Variants in FHAD1 observed in about 807,000 individuals in gnomAD.
FHAD1 encodes forkhead-associated domain-containing protein 1.
FHAD1 carries 146 observed loss-of-function variants against 191.3 expected under a neutral mutation model. That is an observed-to-expected ratio of 0.76 (90% CI 0.67 to 0.88). The LOEUF is 0.88. FHAD1 is among the 40% of genes least tolerant of loss of function. The probability of loss-of-function intolerance (pLI) is 0.00; values close to 1 mark genes in which losing one functional copy is unlikely to be tolerated. For missense variants in FHAD1, 1,635 were observed against 1,785.8 expected (o/e 0.92, Z 1.52); for synonymous variants, 616 against 672.3 (o/e 0.92, Z 1.29).
In FHAD1 at chr1:15,381,291, G is replaced by A. The variant is rs371610326; in HGVS notation, c.3862G>A (p.Val1288Met). ...LMNIKNMSGH[V>M]SMKYLSRQER... ...GAACATCAAGAATATGTCAGGCCACGTGTCCATGAAATACCTCTCCCGCCA... is the reference window on the plus strand; with the variant it reads ...GAACATCAAGAATATGTCAGGCCACATGTCCATGAAATACCTCTCCCGCCA... Residue 1288 changes from valine to methionine, a missense_variant, in exon 30 of 34, where the codon GTG becomes ATG. Physicochemically the swap from Val to Met is conservative, Grantham distance 21 (BLOSUM62 1). Coordinates refer to ENST00000688493, the MANE Select transcript of FHAD1 (RefSeq NM_001391957.1). This position sits in a 1 kb window ranked among gnomAD's most constrained non-coding sequence, Gnocchi z 4.6. The A allele has an allele frequency of 7.1e-6, 11 of 1,551,572 alleles. No homozygotes were observed. The highest frequency in any genetic ancestry group is 1.7e-4 in the Middle Eastern group (1 of 6,014).
chr1:15,382,084 A>G lies in FHAD1; in HGVS notation c.4079A>G (p.Asp1360Gly). 1 of 1,552,142 alleles carries G rather than the reference A, an allele frequency of 6.4e-7. No individual in the cohort carries two copies. The highest frequency in any genetic ancestry group is 1.4e-5 in the African/African-American group (1 of 73,134). ...YQSQVAKLED[D>G]IYKEAEEKAL... Reference sequence around the variant, plus strand: ...TCGCAGGTGGCAAAGCTGGAGGATGATATCTACAAAGAGGCCGAAGAGAAG... The same window carrying G: ...TCGCAGGTGGCAAAGCTGGAGGATGGTATCTACAAAGAGGCCGAAGAGAAG... The change falls in exon 31 of 34, where the codon GAT becomes GGT. Residue 1360 changes from aspartate to glycine, a missense_variant. Physicochemically the swap from Asp to Gly is moderately conservative, Grantham distance 94. Transcript: ENST00000688493.
At chr1:15,275,647 T>A (rs1204023282) in intron 3 of FHAD1, among the ~76,000 whole-genome samples, 2 of 152,172 alleles carry the variant, frequency 1.3e-5, no homozygotes, top group African/African-American at 4.8e-5. Context: ...CCTTTCTATT[T>A]GCCTGATGAC....
intron 10 of FHAD1, among the ~76,000 whole-genome samples, chr1:15,321,225 C>T (rs1195899768): frequency 6.6e-6 from 1 of 152,192 alleles, no homozygotes; most frequent in Non-Finnish European, 1.5e-5. Context: ...AGCCACAATG[C>T]CTGGGCGAGT....
intron 20 of FHAD1, among the ~76,000 whole-genome samples, chr1:15,355,527 C>A (rs2102545970): frequency 6.6e-6 from 1 of 152,310 alleles, no homozygotes; most frequent in South Asian, 2.1e-4. Flanking sequence ...TGAGTAGCTG[C>A]CAGGGAGCAA....
chr1:15,306,833 C>T (rs1271997751), intron 6 of FHAD1, among the ~76,000 whole-genome samples: 1 of 152,228 alleles, frequency 6.6e-6, no homozygotes, highest in East Asian at 1.9e-4. Flanking sequence ...TCGGGGCCCT[C>T]ATGGAGAACC....
chr1:15,252,070 T>C (rs1053837854), intron 2 of FHAD1, among the ~76,000 whole-genome samples, 193 bp downstream of exon 2: 1 of 152,208 alleles, frequency 6.6e-6, no homozygotes, highest in Non-Finnish European at 1.5e-5. Flanking sequence ...GGAGTGAAGC[T>C]GAGTGCTGTA....
intron 23 of FHAD1, among the ~76,000 whole-genome samples, chr1:15,364,833 A>G (rs1331031549): frequency 1.3e-5 from 2 of 152,064 alleles, no homozygotes; most frequent in African/African-American, 4.8e-5. Context: ...TTCCAGTCAA[A>G]TCCCCACCAA....
intron 31 of FHAD1, 45 bp downstream of exon 31, chr1:15,382,238 A>G: frequency 6.5e-7 from 1 of 1,534,916 alleles, no homozygotes; most frequent in Non-Finnish European, 8.8e-7. Flanking sequence ...GCTGCCCTGC[A>G]GCTCCCATTA....
intron 31 of FHAD1, among the ~76,000 whole-genome samples, chr1:15,387,350 G>A (rs1702384185): frequency 6.6e-6 from 1 of 152,224 alleles, no homozygotes; most frequent in African/African-American, 2.4e-5. Context: ...TGTGTGGGAT[G>A]AGAATGGGAT....
rs151129447 is a variant in FHAD1 at position 15,394,581 on chromosome 1, C to T, written c.4324-2716C>T. Among the ~76,000 whole-genome samples the T allele has an allele frequency of 2.5e-3, 387 of 152,264 alleles. 2 individuals carry two copies. Among genetic ancestry groups the T allele is most frequent in the African/African-American group, 8.0e-3 (331 of 41,536 alleles). ...GTTTGAGGCTCCTGTCAGCCACTGT[C>T]ACAGGCCTCAGGAGGTGATTTTTAA... On this transcript the variant is annotated intron_variant, in intron 33 of 33. Coordinates refer to ENST00000688493, the MANE Select transcript of FHAD1 (RefSeq NM_001391957.1).
chr1:15,341,973 C>A, intron 16 of FHAD1, 85 bp downstream of exon 16: 1 of 1,218,204 alleles, frequency 8.2e-7, no homozygotes, highest in Non-Finnish European at 1.1e-6. Flanking sequence ...TGTACTTAGA[C>A]AGAGAAATCT....
chr1:15,315,739 G>C (rs1001654989), intron 8 of FHAD1, among the ~76,000 whole-genome samples: 1 of 151,994 alleles, frequency 6.6e-6, no homozygotes, highest in African/African-American at 2.4e-5. Flanking sequence ...GCCCACCTCG[G>C]CCTCCCAAAG....
At position 15,272,387 on chromosome 1, in the gene FHAD1, T is replaced by C; in HGVS notation, c.158T>C (p.Leu53Pro). Residue 53 changes from leucine to proline, a missense_variant, in exon 3 of 34, where the codon CTC (leucine) becomes CCC (proline). Leu to Pro is a moderately conservative substitution (Grantham distance 98). Coordinates refer to ENST00000688493, the MANE Select transcript of FHAD1 (RefSeq NM_001391957.1). ...AACGAGGCGGAGTGCAGCTTTGTTC[T>C]CCAGGACTTCAATTCCCGCAACGGC... ...EYNEAECSFV[L>P]QDFNSRNGTF... 6.4e-7 allele frequency: 1 copy of C among 1,551,740 alleles called. No homozygotes were observed. Among genetic ancestry groups the C allele is most frequent in the Non-Finnish European group, 8.7e-7 (1 of 1,146,988 alleles).
intron 33 of FHAD1, among the ~76,000 whole-genome samples, chr1:15,395,424 C>T (rs1705617024): frequency 6.6e-6 from 1 of 152,188 alleles, no homozygotes; most frequent in South Asian, 2.1e-4. Flanking sequence ...TGCCCCTCTC[C>T]ATACCTCTGC....
chr1:15,338,198 A>G (rs1030141033), intron 14 of FHAD1, among the ~76,000 whole-genome samples: 1 of 152,222 alleles, frequency 6.6e-6, no homozygotes, highest in African/African-American at 2.4e-5. Context: ...AATGACCACA[A>G]GAGACTGGCT....
chr1:15,307,505 G>A (rs1045790577), intron 6 of FHAD1, among the ~76,000 whole-genome samples: 7 of 152,144 alleles, frequency 4.6e-5, no homozygotes, highest in African/African-American at 1.7e-4. Flanking sequence ...AACTTGAATT[G>A]TATCTCCCAG....
chr1:15,336,331 G>T (rs970160420), intron 14 of FHAD1, among the ~76,000 whole-genome samples: 3 of 152,098 alleles, frequency 2.0e-5, no homozygotes, highest in African/African-American at 7.2e-5. Context: ...CTGTTCTCAC[G>T]CTTCTGTGCT....
chr1:15,307,671 C>T lies in FHAD1; in HGVS notation c.916-942C>T, dbSNP rs977998312. Among the ~76,000 whole-genome samples the T allele has an allele frequency of 4.6e-5, 7 of 152,090 alleles. 1 individual carries two copies. Among genetic ancestry groups the T allele is most frequent in the Middle Eastern group, 6.8e-3 (2 of 292 alleles). ...TTGCTTTTTCGTCATTTTCTCTTGC[C>T]GCTGCCATGATTCTGAGGCCTCCCC... is the stretch of plus-strand genomic sequence containing the variant. On this transcript the variant is annotated intron_variant, in intron 6 of 33. Transcript: ENST00000688493.
downstream of FHAD1, among the ~76,000 whole-genome samples, chr1:15,398,823 C>CTTT (rs1172501958): frequency 7.0e-6 from 1 of 142,786 alleles, no homozygotes; most frequent in Non-Finnish European, 1.5e-5. Context: ...ATCATGAATA[C>CTTT]TTTTTTTTTT....
Sources: allele counts gnomAD v4.1 joint callset (sites outside exome capture counted in the v4.1 genomes callset), GRCh38; gene constraint gnomAD v4.1.1; non-coding constraint Gnocchi (gnomAD v3.1); transcripts MANE v1.5; gene names NCBI Gene and HGNC (gene_info 2026-07-23, HGNC 2026-07-21).